Variants in ATRN observed in about 807,000 individuals in gnomAD.
ATRN encodes the protein attractin-2.
ATRN carries 54 observed loss-of-function variants against 178.7 expected under a neutral mutation model. That is an observed-to-expected ratio of 0.30 (90% CI 0.24 to 0.38). The LOEUF is 0.38. Among genes scored for constraint, ATRN ranks in the 10% least tolerant of loss-of-function variants. ATRN has a pLI of 1.00. For synonymous variants in ATRN, 636 were observed against 663.0 expected (o/e 0.96, Z 0.63); for missense variants, 1,443 against 1,815.1 (o/e 0.79, Z 3.73).
chr20:3,563,353 C>G lies in ATRN; in HGVS notation c.1776C>G (p.Ala592=). Reference sequence around the variant, plus strand: ...AATGCTTCTCTTCAGATTTCATGGCCTATGACATTGGTAAGTTTCCCAAAA... The same window carrying G: ...AATGCTTCTCTTCAGATTTCATGGCGTATGACATTGGTAAGTTTCCCAAAA... ...GAKCFSSDFM[A]YDIACDRWSV... is the part of the protein sequence containing the mutation. Residue 592 remains alanine, a synonymous_variant, in exon 10 of 29, where the codon GCC becomes GCG. Transcript: ENST00000262919. 6.2e-7 allele frequency: 1 copy of G among 1,613,412 alleles called. No homozygotes were observed. Among genetic ancestry groups the G allele is most frequent in the South Asian group, 1.1e-5 (1 of 90,928 alleles).
chr20:3,600,321 TAAG>T (rs1296962564), intron 22 of ATRN, among the ~76,000 whole-genome samples: 1 of 151,692 alleles, frequency 6.6e-6, no homozygotes, highest in Non-Finnish European at 1.5e-5. Flanking sequence ...TTTTCAAAAC[TAAG>T]AAGCCATACT....
At chr20:3,568,658 A>G (rs1052977801) in intron 11 of ATRN, among the ~76,000 whole-genome samples, 11 of 152,236 alleles carry the variant, frequency 7.2e-5, no homozygotes, top group African/African-American at 2.7e-4. Flanking sequence ...TGACATTTTC[A>G]TCAACCAGTC....
intron 27 of ATRN, 23 bp from the exon 28 acceptor site, chr20:3,644,131 G>A (rs1490756951): frequency 1.3e-6 from 2 of 1,552,514 alleles, no homozygotes; most frequent in Non-Finnish European, 1.8e-6. Flanking sequence ...ATCACTTAAG[G>A]TAATTTTGTT....
At chr20:3,573,195 A>G (rs2086153130) in intron 12 of ATRN, among the ~76,000 whole-genome samples, 1 of 152,188 alleles carries the variant, frequency 6.6e-6, no homozygotes, top group African/African-American at 2.4e-5. Flanking sequence ...TTGGCATTGC[A>G]TAGGCTTTGC....
In ATRN at chr20:3,645,996, TA is replaced by T. The variant is rs559014643; in HGVS notation, c.4166-724del. On this transcript the variant is annotated intron_variant, in intron 28 of 28. Transcript: ENST00000262919. The surrounding 1 kb of genome is among the most constrained non-coding windows in gnomAD (Gnocchi z 4.7). ...GTGGGCGGCGGGGCAGTGATGAGCA[TA>T]AAGGGTAGTTGCTATTGATCGTGGG... Among the ~76,000 whole-genome samples the T allele has an allele frequency of 2.0e-5, 3 of 152,252 alleles. No homozygotes were observed. In the South Asian group the frequency reaches 6.2e-4, roughly 32 times the overall value.
intron 1 of ATRN, among the ~76,000 whole-genome samples, chr20:3,477,975 C>A (rs1054941605): frequency 6.6e-6 from 1 of 152,180 alleles, no homozygotes; most frequent in Non-Finnish European, 1.5e-5. Context: ...TTTCTTTGTA[C>A]TTCCTTATTT....
At chr20:3,493,819 C>G (rs1445943955) in intron 1 of ATRN, among the ~76,000 whole-genome samples, 1 of 152,010 alleles carries the variant, frequency 6.6e-6, no homozygotes, top group South Asian at 2.1e-4. Flanking sequence ...CGAGATTGTT[C>G]TGGACTTCCT....
chr20:3,639,602 C>T (rs1377488521), intron 27 of ATRN, among the ~76,000 whole-genome samples: 2 of 152,052 alleles, frequency 1.3e-5, no homozygotes, highest in Non-Finnish European at 2.9e-5. Context: ...AATGATAATA[C>T]ACTGTGTATT....
chr20:3,542,637 C>T (rs2146193937), intron 3 of ATRN, among the ~76,000 whole-genome samples: 2 of 144,032 alleles, frequency 1.4e-5, no homozygotes, highest in South Asian at 4.6e-4. Flanking sequence ...TTCCCTTCCC[C>T]TTCCCCTTCC....
Position 3,624,590 on chromosome 20 carries a change from G to C in ATRN, c.3863+18G>C, listed in dbSNP as rs909033040. On this transcript the variant is annotated intron_variant, in intron 25 of 28. Coordinates refer to ENST00000262919, the MANE Select transcript of ATRN (RefSeq NM_139321.3). ...TTCTTCAGGTAATTTTGCTTATACAGACTCTCTCTGTTCTTTTGATTTAGG... is the reference window on the plus strand; with the variant it reads ...TTCTTCAGGTAATTTTGCTTATACACACTCTCTCTGTTCTTTTGATTTAGG... The C allele has an allele frequency of 6.3e-7, 1 of 1,595,522 alleles. No homozygotes were observed. Among genetic ancestry groups the C allele is most frequent in the South Asian group, 1.1e-5 (1 of 90,440 alleles).
At chr20:3,541,481 T>G (rs2085621554) in intron 3 of ATRN, among the ~76,000 whole-genome samples, 1 of 152,026 alleles carries the variant, frequency 6.6e-6, no homozygotes, top group South Asian at 2.1e-4. Context: ...ATAGGGTATA[T>G]TCATACAAAT....
chr20:3,491,204 C>T (rs964699139), intron 1 of ATRN, among the ~76,000 whole-genome samples: 13 of 152,038 alleles, frequency 8.6e-5, no homozygotes, highest in East Asian at 1.9e-4. Context: ...CAAATGTGGC[C>T]TCATTTCTGT....
intron 28 of ATRN, among the ~76,000 whole-genome samples, chr20:3,646,493 T>A (rs2146329815): frequency 6.6e-6 from 1 of 152,254 alleles, no homozygotes; most frequent in South Asian, 2.1e-4. Flanking sequence ...AAAGAATACA[T>A]AAAAATTAGT....
chr20:3,625,425 T>A (rs2086930246), intron 25 of ATRN, among the ~76,000 whole-genome samples: 1 of 152,232 alleles, frequency 6.6e-6, no homozygotes, highest in Non-Finnish European at 1.5e-5. Flanking sequence ...GTGATTACAC[T>A]ACCACATTTT....
rs571165837 is a variant in ATRN, at chr20:3,500,254, A to G, written c.410+28737A>G. 4.6e-5 allele frequency among the ~76,000 whole-genome samples: 7 copies of G among 152,344 alleles called. No homozygotes were observed. In the East Asian group the frequency reaches 1.2e-3, roughly 25 times the overall value. ...GTTGATGGGACTGTAAACTAGTTCA[A>G]CCATTGTGGAAGTCAGTATGGTGAT... On this transcript the variant is annotated intron_variant, in intron 1 of 28. Transcript: ENST00000262919.
chr20:3,556,808 G>C (rs910996554), intron 6 of ATRN, among the ~76,000 whole-genome samples: 3 of 151,638 alleles, frequency 2.0e-5, no homozygotes, highest in African/African-American at 7.3e-5. Flanking sequence ...TCTCTGTGTT[G>C]AGAGATGATT....
chr20:3,642,663 A>G (rs2087078351), intron 27 of ATRN, among the ~76,000 whole-genome samples: 1 of 152,208 alleles, frequency 6.6e-6, no homozygotes, highest in Non-Finnish European at 1.5e-5. Context: ...TCCTTGTGCC[A>G]CAGCAGAGTG....
At chr20:3,594,783 T>C (rs1440319875) in intron 20 of ATRN, among the ~76,000 whole-genome samples, 1 of 152,250 alleles carries the variant, frequency 6.6e-6, no homozygotes, top group Non-Finnish European at 1.5e-5. Context: ...AATTCCTTAA[T>C]GGCTCTTGAA....
chr20:3,534,143 T>C (rs2085491573), intron 1 of ATRN, among the ~76,000 whole-genome samples: 1 of 152,202 alleles, frequency 6.6e-6, no homozygotes, highest in Non-Finnish European at 1.5e-5. Flanking sequence ...TTGCAGGATA[T>C]GATTCTCGTG....
Sources: gnomAD v4.1 joint callset for allele counts (sites outside exome capture counted in the v4.1 genomes callset) on GRCh38, gnomAD v4.1.1 for gene constraint, Gnocchi (gnomAD v3.1) non-coding constraint, MANE v1.5 for transcripts, NCBI Gene and HGNC (gene_info 2026-07-23, HGNC 2026-07-21) for gene names.